RGS17: variants seen among roughly 807,000 people sequenced by gnomAD.
RGS17 encodes the protein regulator of G-protein signaling 17.
RGS17 carries 12 observed loss-of-function variants against 25.5 expected under a neutral mutation model. The observed-to-expected ratio is 0.47, with a 90% CI of 0.30 to 0.76. RGS17 has a LOEUF of 0.76. Ranked by LOEUF, RGS17 falls within the 30% of genes least tolerant of loss-of-function variation. The pLI, the probability that RGS17 is intolerant of heterozygous loss-of-function variation, is 0.07. For synonymous variants in RGS17, 71 were observed against 76.9 expected (o/e 0.92, Z 0.40); for missense variants, 196 against 242.2 (o/e 0.81, Z 1.27).
At chr6:153,025,293 C>A (rs1283582735) in intron 3 of RGS17, among the ~76,000 whole-genome samples, 1 of 149,928 alleles carries the variant, frequency 6.7e-6, no homozygotes, top group Non-Finnish European at 1.5e-5. Context: ...GGCTAGGCAA[C>A]AAAATGAGAT....
chr6:153,012,708 T>C (rs1201670846), intron 4 of RGS17, among the ~76,000 whole-genome samples: 2 of 152,210 alleles, frequency 1.3e-5, no homozygotes, highest in South Asian at 2.1e-4. Flanking sequence ...CCTCACTGTT[T>C]AGCAAGGAAT....
chr6:153,047,400 C>G (rs1468564035), intron 1 of RGS17, among the ~76,000 whole-genome samples: 1 of 152,068 alleles, frequency 6.6e-6, no homozygotes, highest in Non-Finnish European at 1.5e-5. Flanking sequence ...TCTAATGAAA[C>G]AGATTTTGTA....
chr6:153,013,999 T>C (rs1487885829), intron 4 of RGS17, among the ~76,000 whole-genome samples: 1 of 152,204 alleles, frequency 6.6e-6, no homozygotes, highest in East Asian at 1.9e-4. Flanking sequence ...GTGGCTACAC[T>C]AAACAGCAGG....
chr6:153,052,969 G>C (rs1776483079), intron 1 of RGS17, among the ~76,000 whole-genome samples: 1 of 152,158 alleles, frequency 6.6e-6, no homozygotes, highest in South Asian at 2.1e-4. Flanking sequence ...GATATCAGTA[G>C]TCTGCAGCCT....
intron 1 of RGS17, among the ~76,000 whole-genome samples, chr6:153,077,563 A>G (rs969977468): frequency 6.6e-6 from 1 of 152,184 alleles, no homozygotes; most frequent in Non-Finnish European, 1.5e-5. Flanking sequence ...AGGTTTTAAA[A>G]TGTCATTATT....
At chr6:153,058,235 T>C (rs1776586825) in intron 1 of RGS17, among the ~76,000 whole-genome samples, 2 of 152,176 alleles carry the variant, frequency 1.3e-5, no homozygotes, top group South Asian at 2.1e-4. Flanking sequence ...AAAGTTAGTG[T>C]GGTTCAGTGT....
chr6:153,095,225 G>C (rs894500600), intron 1 of RGS17, among the ~76,000 whole-genome samples: 8 of 152,092 alleles, frequency 5.3e-5, no homozygotes, highest in African/African-American at 1.9e-4. Context: ...GTAACAGAAA[G>C]AGAAAACCAT....
intron 2 of RGS17, among the ~76,000 whole-genome samples, chr6:153,029,956 C>T (rs1379473382): frequency 6.6e-6 from 1 of 152,218 alleles, no homozygotes; most frequent in African/African-American, 2.4e-5. Context: ...ACTAACATTT[C>T]TACTTTTTAA....
At chr6:153,052,010 A>C (rs1415892) in intron 1 of RGS17, among the ~76,000 whole-genome samples, 58,569 of 152,064 alleles carry the variant, frequency 0.39, 11,992 homozygotes, top group East Asian at 0.62. Context: ...ATCTATTCTT[A>C]AAGACAAGGG....
rs184411593 is a variant in RGS17 at position 153,097,722 on chromosome 6, C to G, written c.-26+33402G>C. ...CTAGGAAAGAGAAGGTCAAGAAACT[C>G]TAGGAGGGATCTCTGAAGTGATTAG... is the stretch of plus-strand genomic sequence containing the variant. On this transcript the variant is annotated intron_variant, in intron 1 of 4. Coordinates refer to ENST00000206262, the MANE Select transcript of RGS17 (RefSeq NM_012419.5). 5.9e-5 allele frequency among the ~76,000 whole-genome samples: 9 copies of G among 151,864 alleles called. 1 individual carries two copies. The highest frequency in any genetic ancestry group is 5.2e-4 in the Admixed American group (8 of 15,264).
At chr6:153,051,864 G>A (rs1007073946) in intron 1 of RGS17, among the ~76,000 whole-genome samples, 1 of 152,182 alleles carries the variant, frequency 6.6e-6, no homozygotes, top group Non-Finnish European at 1.5e-5. Flanking sequence ...GATTAGTATG[G>A]TGTGAAGCAT....
At chr6:153,099,093 C>A (rs1777258643) in intron 1 of RGS17, among the ~76,000 whole-genome samples, 3 of 152,104 alleles carry the variant, frequency 2.0e-5, no homozygotes, top group Non-Finnish European at 4.4e-5. Context: ...TATCTGATCA[C>A]TTGAGATACA....
At position 153,063,022 on chromosome 6, in the gene RGS17, G is replaced by A. The variant is rs559431645; in HGVS notation, c.-25-18979C>T. Among the ~76,000 whole-genome samples, 24 of 152,280 alleles carry A rather than the reference G, an allele frequency of 1.6e-4. No homozygotes were observed. The South Asian group carries it at 3.9e-3, about 25-fold the overall frequency. On this transcript the variant is annotated intron_variant, in intron 1 of 4. Transcript: ENST00000206262. ...CAAGAACCACAGCATTACTGGGCTC[G>A]GGGTGCCCCCTAAAGCAGACACAGC...
intron 1 of RGS17, among the ~76,000 whole-genome samples, chr6:153,049,657 A>T (rs59167038): frequency 0.045 from 6,877 of 152,156 alleles, 510 homozygotes; most frequent in African/African-American, 0.16. Flanking sequence ...AGGCTGAGGC[A>T]GGAGAATGGC....
chr6:153,019,978 A>G (rs1052981707), intron 4 of RGS17, among the ~76,000 whole-genome samples: 5 of 150,908 alleles, frequency 3.3e-5, no homozygotes, highest in African/African-American at 1.2e-4. Context: ...CACTTTTAAA[A>G]AATTTACTTT....
intron 1 of RGS17, among the ~76,000 whole-genome samples, chr6:153,111,906 G>C (rs182080401): frequency 9.2e-5 from 14 of 152,188 alleles, no homozygotes; most frequent in Admixed American, 8.5e-4. Context: ...CAAAAAGGAC[G>C]TCCACACAAA....
intron 1 of RGS17, among the ~76,000 whole-genome samples, chr6:153,079,306 G>A (rs1460431814): frequency 1.3e-5 from 2 of 152,100 alleles, no homozygotes; most frequent in Non-Finnish European, 2.9e-5. Context: ...TTGAACTCCT[G>A]ACCTCAGGTG....
chr6:153,090,271 T>C (rs1455354424), intron 1 of RGS17, among the ~76,000 whole-genome samples: 1 of 152,000 alleles, frequency 6.6e-6, no homozygotes, highest in Admixed American at 6.6e-5. Flanking sequence ...GGTTTGGCTT[T>C]CTGTGGTTTT....
Position 153,007,509 on chromosome 6 carries a change from C to T in RGS17, c.*4065G>A, listed in dbSNP as rs1562310047. On this transcript the variant is annotated 3_prime_UTR_variant, in exon 5 of 5. Transcript: ENST00000206262. Reference sequence around the variant, plus strand: ...CTTTCAAAATAATTAGGCAATGTGTCAAGATCAAAGTATTCAAAATACATG... The same window carrying T: ...CTTTCAAAATAATTAGGCAATGTGTTAAGATCAAAGTATTCAAAATACATG... The T allele has an allele frequency of 6.6e-6, 1 of 152,054 alleles. No homozygotes were observed. The highest frequency in any genetic ancestry group is 2.1e-4 in the South Asian group (1 of 4,828). The allele number at this position is 152,054 out of a possible 1,614,324, so 9.4% of individuals were successfully genotyped here.
Sources: gnomAD v4.1 joint callset for allele counts (sites outside exome capture counted in the v4.1 genomes callset) on GRCh38, gnomAD v4.1.1 for gene constraint, MANE v1.5 for transcripts, NCBI Gene and HGNC (gene_info 2026-07-23, HGNC 2026-07-21) for gene names.